Variants in CFAP43 observed in about 807,000 individuals in gnomAD.
CFAP43 encodes the protein cilia and flagella associated protein 43, also known as cilia- and flagella-associated protein 43.
CFAP43 carries 155 observed loss-of-function variants against 218.9 expected under a neutral mutation model. The observed-to-expected ratio is 0.71, with a 90% CI of 0.62 to 0.81. The LOEUF (loss-of-function observed/expected upper bound fraction) is 0.81. CFAP43 is among the 30% of genes least tolerant of loss of function. The pLI is 0.00. For missense variants in CFAP43, 1,778 were observed against 1,954.3 expected (o/e 0.91, Z 1.70); for synonymous variants, 645 against 681.3 (o/e 0.95, Z 0.83).
At chr10:104,140,795 A>C (rs1224540506) in intron 34 of CFAP43, 47 bp downstream of exon 34, 1 of 1,461,030 alleles carries the variant, frequency 6.8e-7, no homozygotes, top group East Asian at 2.4e-5. Context: ...TAGCCTGAGT[A>C]ACAAAGCAAG....
intron 37 of CFAP43, among the ~76,000 whole-genome samples, chr10:104,131,034 T>G (rs1589600446): frequency 1.4e-5 from 2 of 138,484 alleles, no homozygotes; most frequent in Admixed American, 7.2e-5. Context: ...AAAGAAACAC[T>G]GGGGACTACT....
At chr10:104,175,874 A>G (rs921811805) in intron 19 of CFAP43, among the ~76,000 whole-genome samples, 8 of 152,232 alleles carry the variant, frequency 5.3e-5, no homozygotes, top group African/African-American at 1.7e-4. Flanking sequence ...TTTAAAAAAT[A>G]TTCTTCAGTA....
Position 104,225,511 on chromosome 10 carries a change from G to T in CFAP43, c.366C>A (p.Gly122=). The change falls in exon 3 of 38, where the codon GGC becomes GGA. Residue 122 remains glycine, a synonymous_variant. Transcript: ENST00000357060. ...GAGAGGAGTAACTAGCCAGGTAGGTGCCACAGTAACTGAATGAAAGTAAAG... is the reference window on the plus strand; with the variant it reads ...GAGAGGAGTAACTAGCCAGGTAGGTTCCACAGTAACTGAATGAAAGTAAAG... The part of the protein sequence containing the change: ...DYTLLSFSYC[G]TYLASYSSLP... The T allele has an allele frequency of 1.2e-6, 2 of 1,613,050 alleles. No homozygotes were observed. Among genetic ancestry groups the T allele is most frequent in the Non-Finnish European group, 1.7e-6 (2 of 1,179,364 alleles).
chr10:104,196,870 T>C lies in CFAP43; in HGVS notation c.1276A>G (p.Ile426Val). 6.2e-7 allele frequency: 1 copy of C among 1,612,444 alleles called. No homozygotes were observed. Among genetic ancestry groups the C allele is most frequent in the Non-Finnish European group, 8.5e-7 (1 of 1,179,162 alleles). ...ATACTTACTAGGGTATTCAGATAAA[T>C]CTTGCTTACACAAGCACAATCCTCC... ...WLEDCACVSK[I>V]YLNTLATVLA... is the part of the protein sequence containing the mutation. The change falls in exon 10 of 38, where the codon ATT (isoleucine) becomes GTT (valine). Residue 426 changes from isoleucine (I) to valine (V), a missense_variant. Around this residue, in one of 3 missense-constraint regions of CFAP43, gnomAD observed 1,553 missense variants for 1,685.2 expected, o/e 0.92. Transcript: ENST00000357060.
chr10:104,152,314 A>T (rs1589649765), intron 28 of CFAP43, among the ~76,000 whole-genome samples: 1 of 152,176 alleles, frequency 6.6e-6, no homozygotes, highest in East Asian at 1.9e-4. Context: ...CTGATTTTTG[A>T]GCTGGGATCT....
At chr10:104,156,730 A>AT (rs2088566984) in intron 27 of CFAP43, among the ~76,000 whole-genome samples, 1 of 152,192 alleles carries the variant, frequency 6.6e-6, no homozygotes. Flanking sequence ...ATAATATAAA[A>AT]TTTAAAAGGT....
chr10:104,155,057 C>T (rs2088468233), intron 27 of CFAP43, among the ~76,000 whole-genome samples: 1 of 152,042 alleles, frequency 6.6e-6, no homozygotes, highest in Non-Finnish European at 1.5e-5. Flanking sequence ...CTCAGGTGGC[C>T]CAGCCTTGGC....
chr10:104,169,587 T>C (rs996980525), intron 20 of CFAP43, among the ~76,000 whole-genome samples: 1 of 152,098 alleles, frequency 6.6e-6, no homozygotes, highest in African/African-American at 2.4e-5. Context: ...CAATCTTTAG[T>C]CCTTAGGATC....
rs1288485491 is a variant in CFAP43, at chr10:104,209,342, T to C, written c.736-1518A>G. ...TGAATGATTTAGGGTTGTCAAACTA[T>C]AATATTACATTTCTGCTTTCAGAAA... On this transcript the variant is annotated intron_variant, in intron 5 of 37. Coordinates refer to ENST00000357060, the MANE Select transcript of CFAP43 (RefSeq NM_025145.7). Among the ~76,000 whole-genome samples the C allele has an allele frequency of 4.6e-5, 7 of 152,240 alleles. No homozygotes were observed. In the East Asian group the frequency reaches 1.2e-3, roughly 25 times the overall value.
chr10:104,148,949 G>T (rs2088114062), intron 28 of CFAP43, among the ~76,000 whole-genome samples: 1 of 152,040 alleles, frequency 6.6e-6, no homozygotes, highest in Non-Finnish European at 1.5e-5. Flanking sequence ...CCTGTGACAT[G>T]AGTTTACCTA....
chr10:104,211,177 C>T (rs2090851436), intron 5 of CFAP43, among the ~76,000 whole-genome samples: 1 of 152,138 alleles, frequency 6.6e-6, no homozygotes, highest in Admixed American at 6.5e-5. Flanking sequence ...TGCCCTGTCT[C>T]CATTTATTCT....
intron 33 of CFAP43, 68 bp downstream of exon 33, chr10:104,142,213 A>T: frequency 7.5e-7 from 1 of 1,340,596 alleles, no homozygotes; most frequent in Non-Finnish European, 1.1e-6. Flanking sequence ...CTCCCCAGTG[A>T]TAACACAACC....
chr10:104,201,894 C>CT (rs2090545583), intron 8 of CFAP43, among the ~76,000 whole-genome samples: 1 of 151,986 alleles, frequency 6.6e-6, no homozygotes, highest in African/African-American at 2.4e-5. Context: ...TCTAAAATGT[C>CT]TTTTTTCACC....
intron 5 of CFAP43, among the ~76,000 whole-genome samples, chr10:104,210,615 G>C (rs1446689038): frequency 6.6e-6 from 1 of 152,076 alleles, no homozygotes; most frequent in Non-Finnish European, 1.5e-5. Flanking sequence ...AGGTCTTGCA[G>C]GTGCTGCCCT....
At chr10:104,141,882 C>T (rs1410567691) in intron 33 of CFAP43, among the ~76,000 whole-genome samples, 3 of 152,134 alleles carry the variant, frequency 2.0e-5, no homozygotes, top group Non-Finnish European at 4.4e-5. Context: ...ACAACAAGTT[C>T]CCCTAAAGAA....
At position 104,232,212 on chromosome 10, in the gene CFAP43, TG is replaced by T; in HGVS notation, c.34del (p.His12ThrfsTer10). The T allele has an allele frequency of 6.2e-7, 1 of 1,608,982 alleles. No individual in the cohort carries two copies. Among genetic ancestry groups the T allele is most frequent in the Non-Finnish European group, 8.5e-7 (1 of 1,178,516 alleles). On this transcript the variant is annotated frameshift_variant, in exon 1 of 38. Transcript: ENST00000357060. LOFTEE classifies it high-confidence loss of function. ...GGACAAGGACGCGCCGCCGGCGGAG[TG>T]GGGGCCTTCGTCGCGCTCCCGGCCT... ...AQGRERDEGPHSAGGASLSVR... is the reference protein window; with the variant it reads ...AQGRERDEGPXSAGGASLSVR...
At chr10:104,181,525 C>T (rs562573987) in intron 17 of CFAP43, among the ~76,000 whole-genome samples, 22 of 152,326 alleles carry the variant, frequency 1.4e-4, no homozygotes, top group African/African-American at 5.3e-4. Flanking sequence ...GTTCTCATTA[C>T]ATGTAAAATA....
chr10:104,133,706 G>C lies in CFAP43; in HGVS notation c.4510C>G (p.His1504Asp). The C allele has an allele frequency of 6.2e-7, 1 of 1,612,814 alleles. No homozygotes were observed. Among genetic ancestry groups the C allele is most frequent in the Non-Finnish European group, 8.5e-7 (1 of 1,179,458 alleles). The change falls in exon 35 of 38, where the codon CAT becomes GAT. Residue 1504 changes from histidine (H) to aspartate (D), a missense_variant. Coordinates refer to ENST00000357060, the MANE Select transcript of CFAP43 (RefSeq NM_025145.7). ...TCCCTTTCCATCTCCATTTTCTTAT[G>C]TTCCCACTCAATCTGAAGTATTCTT... The part of the protein sequence containing the change: ...HKRILQIEWE[H>D]KKMEMEREDL...
intron 35 of CFAP43, among the ~76,000 whole-genome samples, 153 bp from the exon 36 acceptor site, chr10:104,132,349 C>G (rs960018899): frequency 6.6e-6 from 1 of 151,946 alleles, no homozygotes; most frequent in East Asian, 1.9e-4. Flanking sequence ...TGGTGGCATA[C>G]GCTTGTAATC....
Sources: gnomAD v4.1 joint callset for allele counts (sites outside exome capture counted in the v4.1 genomes callset) on GRCh38, gnomAD v4.1.1 for gene constraint, gnomAD v4.1.1 regional missense constraint, MANE v1.5 for transcripts, NCBI Gene and HGNC (gene_info 2026-07-23, HGNC 2026-07-21) for gene names.